The following ATRNL1 variants were observed in gnomAD, a reference collection of about 807,000 sequenced individuals.
ATRNL1 encodes the protein attractin like 1, also known as attractin-like protein 1.
A neutral mutation model predicts 182.7 loss-of-function variants in ATRNL1; 95 were observed. The ratio of observed to expected loss-of-function variants is 0.52; its 90% CI spans 0.44 to 0.62. ATRNL1 has a LOEUF of 0.62. Among genes scored for constraint, ATRNL1 ranks in the 20% least tolerant of loss-of-function variants. ATRNL1 has a pLI of 0.00. For synonymous variants in ATRNL1, 576 were observed against 568.3 expected (o/e 1.01, Z -0.19); for missense variants, 1,471 against 1,679.5 (o/e 0.88, Z 2.17).
At chr10:115,720,120 C>T (rs1404183051) in intron 26 of ATRNL1, among the ~76,000 whole-genome samples, 2 of 152,142 alleles carry the variant, frequency 1.3e-5, no homozygotes, top group Non-Finnish European at 2.9e-5. Flanking sequence ...GCCTTGGCCT[C>T]CCAAAGTGCT....
intron 26 of ATRNL1, among the ~76,000 whole-genome samples, chr10:115,619,618 A>T (rs573226930): frequency 1.3e-5 from 2 of 152,344 alleles, no homozygotes; most frequent in East Asian, 3.9e-4. Context: ...ATATGAATTT[A>T]AAAGTATAGA....
chr10:115,888,995 A>G (rs1952016584), intron 28 of ATRNL1, among the ~76,000 whole-genome samples: 1 of 152,226 alleles, frequency 6.6e-6, no homozygotes, highest in Non-Finnish European at 1.5e-5. Flanking sequence ...GCATAGAGCT[A>G]GATATGAGTG....
intron 28 of ATRNL1, among the ~76,000 whole-genome samples, chr10:115,903,632 T>C (rs782088717): frequency 6.6e-6 from 1 of 152,238 alleles, no homozygotes; most frequent in Non-Finnish European, 1.5e-5. Flanking sequence ...CCCTGTCTTA[T>C]ATTTATCACC....
chr10:115,309,457 T>G (rs902403571), intron 17 of ATRNL1, among the ~76,000 whole-genome samples: 2 of 152,102 alleles, frequency 1.3e-5, no homozygotes, highest in Admixed American at 6.6e-5. Flanking sequence ...CTTTCAGCAG[T>G]GTTTTGTAGT....
intron 20 of ATRNL1, among the ~76,000 whole-genome samples, chr10:115,420,503 G>C (rs530575074): frequency 6.6e-6 from 1 of 152,238 alleles, no homozygotes; most frequent in African/African-American, 2.4e-5. Context: ...AACATTTCTT[G>C]AGAAAAATCA....
chr10:115,566,289 G>A (rs1205230585), intron 26 of ATRNL1, among the ~76,000 whole-genome samples: 1 of 151,970 alleles, frequency 6.6e-6, no homozygotes, highest in Non-Finnish European at 1.5e-5. Flanking sequence ...TTAGAAGCTG[G>A]TTTTGTGTTA....
chr10:115,707,499 C>T (rs1300405082), intron 26 of ATRNL1, among the ~76,000 whole-genome samples: 3 of 151,802 alleles, frequency 2.0e-5, no homozygotes, highest in Non-Finnish European at 4.4e-5. Context: ...TGGCCCTCCC[C>T]TATTCCATCT....
At chr10:115,263,428 T>C (rs1851474280) in intron 10 of ATRNL1, among the ~76,000 whole-genome samples, 1 of 151,772 alleles carries the variant, frequency 6.6e-6, no homozygotes, top group African/African-American at 2.4e-5. Context: ...CCAGCTACTA[T>C]GGAAAACAGA....
At chr10:115,526,779 A>G (rs2133726454) in intron 25 of ATRNL1, among the ~76,000 whole-genome samples, 1 of 152,230 alleles carries the variant, frequency 6.6e-6, no homozygotes, top group East Asian at 1.9e-4. Flanking sequence ...GGGAGAAGGG[A>G]GGGGAGATAA....
intron 19 of ATRNL1, among the ~76,000 whole-genome samples, chr10:115,350,814 G>A (rs1856214383): frequency 6.6e-6 from 1 of 151,962 alleles, no homozygotes; most frequent in Non-Finnish European, 1.5e-5. Context: ...GAATGTCATT[G>A]GTATTTTGAT....
At chr10:115,629,710 C>T (rs575431422) in intron 26 of ATRNL1, among the ~76,000 whole-genome samples, 2 of 152,226 alleles carry the variant, frequency 1.3e-5, no homozygotes, top group East Asian at 1.9e-4. Context: ...AATTCAGAAC[C>T]ATCTGTAGTC....
At chr10:115,568,591 G>A (rs1416453403) in intron 26 of ATRNL1, among the ~76,000 whole-genome samples, 19 of 151,676 alleles carry the variant, frequency 1.3e-4, no homozygotes, top group African/African-American at 4.6e-4. Flanking sequence ...CTTAATGCTT[G>A]GAAAAAATTC....
chr10:115,230,806 G>A (rs887061896), intron 9 of ATRNL1, among the ~76,000 whole-genome samples: 21 of 147,498 alleles, frequency 1.4e-4, no homozygotes, highest in Admixed American at 1.2e-3. Flanking sequence ...GTTGGATTCC[G>A]AATATATTTT....
chr10:115,154,642 C>T (rs958930714), intron 5 of ATRNL1, among the ~76,000 whole-genome samples: 2 of 152,048 alleles, frequency 1.3e-5, no homozygotes, highest in African/African-American at 2.4e-5. Flanking sequence ...ATTTTATGTG[C>T]TGATGAGAAG....
intron 19 of ATRNL1, among the ~76,000 whole-genome samples, chr10:115,334,667 A>G (rs1855397542): frequency 6.6e-6 from 1 of 152,218 alleles, no homozygotes; most frequent in African/African-American, 2.4e-5. Flanking sequence ...TCAAACACAG[A>G]TAAATAAAAG....
chr10:115,342,294 C>A (rs1247958741), intron 19 of ATRNL1, among the ~76,000 whole-genome samples: 1 of 151,552 alleles, frequency 6.6e-6, no homozygotes, highest in Non-Finnish European at 1.5e-5. Flanking sequence ...TTAGTGAAGG[C>A]CTTTTTTTTC....
rs1846879164 is a variant in ATRNL1, at chr10:115,163,205, A to C, written c.1005-2353A>C. Among the ~76,000 whole-genome samples, 9 of 151,944 alleles carry C rather than the reference A, an allele frequency of 5.9e-5. 1 individual carries two copies. The South Asian group carries it at 1.9e-3, about 32-fold the overall frequency. On this transcript the variant is annotated intron_variant, in intron 6 of 28. Coordinates refer to ENST00000355044, the MANE Select transcript of ATRNL1 (RefSeq NM_207303.4). ...ATCTCGTGTGCAAGGAAGAAGAATC[A>C]CTTGTTATTCTTCGGCTTATCAAAC...
At chr10:115,414,672 A>G (rs1162277502) in intron 20 of ATRNL1, among the ~76,000 whole-genome samples, 6 of 151,966 alleles carry the variant, frequency 3.9e-5, no homozygotes, top group Non-Finnish European at 1.5e-5. Context: ...CTTTCATAAA[A>G]GTAAAGCTGT....
intron 26 of ATRNL1, among the ~76,000 whole-genome samples, chr10:115,673,490 A>C (rs553177966): frequency 7.1e-4 from 108 of 152,122 alleles, no homozygotes; most frequent in African/African-American, 2.5e-3. Context: ...ATTTTCTAGA[A>C]AACAGTGGTA....
Sources: gnomAD v4.1 joint callset for allele counts (sites outside exome capture counted in the v4.1 genomes callset) on GRCh38, gnomAD v4.1.1 for gene constraint, MANE v1.5 for transcripts, NCBI Gene and HGNC (gene_info 2026-07-23, HGNC 2026-07-21) for gene names.